The following ERBB4 variants were observed in gnomAD, a reference collection of about 807,000 sequenced individuals.
ERBB4 encodes the protein receptor tyrosine-protein kinase erbB-4.
In ERBB4, 42 loss-of-function variants were observed where a neutral mutation model predicts 158.0. The observed-to-expected ratio is 0.27, with a 90% CI of 0.21 to 0.34. The LOEUF (loss-of-function observed/expected upper bound fraction) is 0.34. Ranked by LOEUF, ERBB4 falls within the 10% of genes least tolerant of loss-of-function variation. The probability of loss-of-function intolerance (pLI) is 1.00; values close to 1 mark genes in which losing one functional copy is unlikely to be tolerated. For missense variants in ERBB4, 1,333 were observed against 1,624.1 expected (o/e 0.82, Z 3.08); for synonymous variants, 583 against 558.7 (o/e 1.04, Z -0.61).
At chr2:212,391,897 C>A (rs929351123) in intron 1 of ERBB4, among the ~76,000 whole-genome samples, 1 of 149,568 alleles carries the variant, frequency 6.7e-6, no homozygotes, top group Admixed American at 6.7e-5. Flanking sequence ...CAGTCAGAAA[C>A]AAGACTCCCC....
intron 2 of ERBB4, among the ~76,000 whole-genome samples, chr2:212,007,084 T>C (rs2076276813): frequency 6.6e-6 from 1 of 152,030 alleles, no homozygotes; most frequent in East Asian, 1.9e-4. Context: ...GTAATCAACA[T>C]TTACTGATTG....
At chr2:212,303,137 T>C (rs1308908758) in intron 1 of ERBB4, among the ~76,000 whole-genome samples, 1 of 151,450 alleles carries the variant, frequency 6.6e-6, no homozygotes, top group Non-Finnish European at 1.5e-5. Context: ...AAAACCACCC[T>C]GAATTATCCC....
chr2:212,520,406 G>T lies in ERBB4; in HGVS notation c.82+18043C>A, dbSNP rs187259773. On this transcript the variant is annotated intron_variant, in intron 1 of 27. Coordinates refer to ENST00000342788, the MANE Select transcript of ERBB4 (RefSeq NM_005235.3). ...ATTATTTTATTGGGTTACTATTCTT[G>T]CACATAAAAATTTCGGTAATTCAAC... Among the ~76,000 whole-genome samples, 3 of 151,876 alleles carry T rather than the reference G, an allele frequency of 2.0e-5. No individual in the cohort carries two copies. The East Asian group carries it at 5.8e-4, about 29-fold the overall frequency.
intron 4 of ERBB4, among the ~76,000 whole-genome samples, chr2:211,764,333 CTAAA>C (rs1199581585): frequency 1.2e-4 from 19 of 152,146 alleles, no homozygotes; most frequent in Admixed American, 6.6e-4. Context: ...ATTTTTAAGT[CTAAA>C]TAAATATCAG....
chr2:212,159,149 C>A (rs1290221493), intron 1 of ERBB4, among the ~76,000 whole-genome samples: 2 of 151,752 alleles, frequency 1.3e-5, no homozygotes, highest in Non-Finnish European at 2.9e-5. Flanking sequence ...ATTTATTCCA[C>A]AAACACATGG....
intron 1 of ERBB4, among the ~76,000 whole-genome samples, chr2:212,190,293 T>C (rs752101757): frequency 3.3e-5 from 5 of 152,150 alleles, no homozygotes; most frequent in Admixed American, 6.5e-5. Flanking sequence ...TCCCAGCACT[T>C]TGGGAGGCCA....
chr2:212,281,739 A>C (rs556079923), intron 1 of ERBB4, among the ~76,000 whole-genome samples: 1 of 151,842 alleles, frequency 6.6e-6, no homozygotes, highest in Admixed American at 6.6e-5. Context: ...TTAGTATATT[A>C]TTTTTCCATA....
intron 1 of ERBB4, among the ~76,000 whole-genome samples, chr2:212,230,283 G>GA (rs917625433): frequency 1.1e-4 from 16 of 151,342 alleles, no homozygotes; most frequent in Non-Finnish European, 2.2e-4. Flanking sequence ...ACTCTGTCTT[G>GA]AAAAAAAAGG....
Position 211,673,197 on chromosome 2 carries a change from C to T in ERBB4, c.1683G>A (p.Lys561=), listed in dbSNP as rs2071911897. Residue 561 remains lysine (K), a synonymous_variant, in exon 14 of 28, where the codon AAG becomes AAA. Coordinates refer to ENST00000342788, the MANE Select transcript of ERBB4 (RefSeq NM_005235.3). The stretch of plus-strand genomic sequence containing the variant: ...GGCATGTGAGGAGGCCATCTTCCAT[C>T]TTCTCACACTGGGGGTCACACTCCA... The part of the protein sequence containing the change: ...ICVECDPQCE[K]MEDGLLTCHG... The T allele has an allele frequency of 6.2e-7, 1 of 1,613,744 alleles. No homozygotes were observed. Among genetic ancestry groups the T allele is most frequent in the African/African-American group, 1.3e-5 (1 of 74,900 alleles).
chr2:211,707,120 G>T (rs1007432243), intron 9 of ERBB4, among the ~76,000 whole-genome samples: 2 of 152,128 alleles, frequency 1.3e-5, no homozygotes, highest in African/African-American at 4.8e-5. Context: ...AAAATTCAGG[G>T]CAAGCACACA....
At chr2:212,442,199 C>G (rs938793526) in intron 1 of ERBB4, among the ~76,000 whole-genome samples, 3 of 151,986 alleles carry the variant, frequency 2.0e-5, no homozygotes, top group African/African-American at 7.3e-5. Flanking sequence ...TACTGCATTC[C>G]TACTTAATTT....
intron 3 of ERBB4, among the ~76,000 whole-genome samples, chr2:211,797,945 TAGAA>T (rs2076417037): frequency 6.6e-6 from 1 of 151,986 alleles, no homozygotes; most frequent in African/African-American, 2.4e-5. Flanking sequence ...TGTGGCAAAA[TAGAA>T]AGAAATGGCT....
intron 1 of ERBB4, among the ~76,000 whole-genome samples, chr2:212,317,396 A>G (rs2087338991): frequency 6.6e-6 from 1 of 151,524 alleles, no homozygotes; most frequent in Non-Finnish European, 1.5e-5. Flanking sequence ...CATCACCTAA[A>G]CTAGGAATCA....
intron 1 of ERBB4, among the ~76,000 whole-genome samples, chr2:212,345,930 TAGAG>T (rs992036435): frequency 2.1e-4 from 32 of 152,282 alleles, no homozygotes; most frequent in Middle Eastern, 3.4e-3. Flanking sequence ...CCGAAAAAGA[TAGAG>T]AGATAAATAC....
chr2:211,890,760 TCTCTGATAAAACAGA>T (rs1166243516), intron 3 of ERBB4, among the ~76,000 whole-genome samples: 1 of 128,322 alleles, frequency 7.8e-6, no homozygotes, highest in African/African-American at 3.3e-5. Flanking sequence ...GCAATCCTAG[TCTCTGATAAAACAGA>T]CTTTAAACCA....
At chr2:212,029,777 T>G (rs2076858072) in intron 2 of ERBB4, among the ~76,000 whole-genome samples, 1 of 149,792 alleles carries the variant, frequency 6.7e-6, no homozygotes, top group Non-Finnish European at 1.5e-5. Context: ...CTAAACATTT[T>G]GTTTAAGTTC....
At chr2:211,567,385 A>G (rs1159950574) in intron 19 of ERBB4, among the ~76,000 whole-genome samples, 1 of 152,194 alleles carries the variant, frequency 6.6e-6, no homozygotes, top group Non-Finnish European at 1.5e-5. Context: ...CCTGAGAAGG[A>G]ACTAAAATCA....
At chr2:211,894,484 C>T (rs1467154615) in intron 3 of ERBB4, among the ~76,000 whole-genome samples, 5 of 148,468 alleles carry the variant, frequency 3.4e-5, no homozygotes, top group East Asian at 2.0e-4. Context: ...GTGGGTGCAG[C>T]GCACCAGCAT....
At chr2:212,316,197 A>G (rs578186486) in intron 1 of ERBB4, among the ~76,000 whole-genome samples, 2 of 151,372 alleles carry the variant, frequency 1.3e-5, no homozygotes, top group Admixed American at 6.6e-5. Context: ...CTCAAAAACA[A>G]TAACTACTTT....
Sources: allele counts gnomAD v4.1 joint callset (sites outside exome capture counted in the v4.1 genomes callset), GRCh38; gene constraint gnomAD v4.1.1; transcripts MANE v1.5; gene names NCBI Gene and HGNC (gene_info 2026-07-23, HGNC 2026-07-21).